POU6F2: variants seen among roughly 807,000 people sequenced by gnomAD.
The protein encoded by POU6F2 is POU domain, class 6, transcription factor 2.
In POU6F2, 31 loss-of-function variants were observed where a neutral mutation model predicts 71.3. The observed-to-expected ratio is 0.43, with a 90% CI of 0.33 to 0.59. The LOEUF is 0.59. Among genes scored for constraint, POU6F2 ranks in the 20% least tolerant of loss-of-function variants. POU6F2 has a pLI of 0.04. For missense variants in POU6F2, 783 were observed against 856.8 expected (o/e 0.91, Z 1.07); for synonymous variants, 347 against 355.7 (o/e 0.98, Z 0.27).
chr7:39,363,860 G>A (rs139083473), intron 5 of POU6F2, among the ~76,000 whole-genome samples: 1 of 152,058 alleles, frequency 6.6e-6, no homozygotes, highest in Non-Finnish European at 1.5e-5. Flanking sequence ...CGATGAATTG[G>A]AGTGATCAAA....
intron 2 of POU6F2, among the ~76,000 whole-genome samples, chr7:39,116,526 C>T (rs1199857701): frequency 4.6e-5 from 7 of 152,146 alleles, no homozygotes; most frequent in Admixed American, 4.6e-4. Context: ...TAAATATTAT[C>T]ATTCCTGTTT....
intron 1 of POU6F2, among the ~76,000 whole-genome samples, chr7:39,055,113 T>C (rs1274270580): frequency 6.6e-6 from 1 of 152,040 alleles, no homozygotes; most frequent in Non-Finnish European, 1.5e-5. Context: ...TAGTGGATTG[T>C]AGGAACGAAG....
intron 2 of POU6F2, among the ~76,000 whole-genome samples, chr7:39,191,999 C>T (rs1212150736): frequency 3.3e-5 from 5 of 152,166 alleles, no homozygotes; most frequent in Admixed American, 6.5e-5. Context: ...ACTTAATCTT[C>T]GTAGGAATGC....
At chr7:39,408,789 A>C (rs963857178) in intron 6 of POU6F2, among the ~76,000 whole-genome samples, 3 of 152,196 alleles carry the variant, frequency 2.0e-5, no homozygotes, top group Admixed American at 1.3e-4. Flanking sequence ...CCAGTGGATA[A>C]TTGGCCATAT....
intron 2 of POU6F2, among the ~76,000 whole-genome samples, chr7:39,137,111 T>C (rs1439107559): frequency 6.6e-6 from 1 of 152,082 alleles, no homozygotes; most frequent in East Asian, 1.9e-4. Context: ...TATAATTTAT[T>C]GTATATTATC....
intron 1 of POU6F2, among the ~76,000 whole-genome samples, chr7:39,078,984 G>A (rs1791055689): frequency 6.6e-6 from 1 of 152,122 alleles, no homozygotes; most frequent in African/African-American, 2.4e-5. Context: ...ATCTATTTGA[G>A]TCTTCAACTT....
intron 2 of POU6F2, among the ~76,000 whole-genome samples, chr7:39,114,528 T>C (rs1315402142): frequency 1.3e-5 from 2 of 152,180 alleles, no homozygotes; most frequent in African/African-American, 4.8e-5. Flanking sequence ...AAAGTACTGA[T>C]AAACAATATC....
intron 4 of POU6F2, among the ~76,000 whole-genome samples, chr7:39,216,907 A>G (rs569763876): frequency 2.6e-5 from 4 of 151,964 alleles, no homozygotes; most frequent in Admixed American, 6.5e-5. Context: ...TTTGATCCCA[A>G]TTGTTTAAAG....
chr7:39,018,420 G>A (rs1789609293), intron 1 of POU6F2, among the ~76,000 whole-genome samples: 1 of 151,870 alleles, frequency 6.6e-6, no homozygotes, highest in Admixed American at 6.6e-5. Flanking sequence ...CTTATTTGGT[G>A]ACAAAACCTC....
intron 2 of POU6F2, among the ~76,000 whole-genome samples, chr7:39,114,775 T>A (rs1277040810): frequency 2.0e-5 from 3 of 152,174 alleles, no homozygotes; most frequent in Admixed American, 6.5e-5. Context: ...TTGTGAGCGC[T>A]TTGCTGCTAA....
At position 39,013,952 on chromosome 7, in the gene POU6F2, G is replaced by A. The variant is rs28624387; in HGVS notation, c.105+35894G>A. Among the ~76,000 whole-genome samples, 372 of 152,258 alleles carry A rather than the reference G, an allele frequency of 2.4e-3. 1 individual carries two copies. The highest frequency in any genetic ancestry group is 8.6e-3 in the African/African-American group (359 of 41,538). Reference sequence around the variant, plus strand: ...TTAATTTATGTACTCAGCTTGTCAGGTTACTTTGTTTCCAGATTTTTTCCC... The same window carrying A: ...TTAATTTATGTACTCAGCTTGTCAGATTACTTTGTTTCCAGATTTTTTCCC... On this transcript the variant is annotated intron_variant, in intron 1 of 9. Transcript: ENST00000518318.
At chr7:39,374,919 T>C (rs947521179) in intron 5 of POU6F2, among the ~76,000 whole-genome samples, 2 of 152,206 alleles carry the variant, frequency 1.3e-5, no homozygotes, top group African/African-American at 4.8e-5. Flanking sequence ...AATTCTCTTA[T>C]TACTGCAGCA....
intron 5 of POU6F2, among the ~76,000 whole-genome samples, chr7:39,400,289 G>A (rs1045349093): frequency 6.6e-6 from 1 of 152,206 alleles, no homozygotes; most frequent in Non-Finnish European, 1.5e-5. Flanking sequence ...GGAGTTCTGT[G>A]TCAGGAACCA....
chr7:39,049,274 G>A (rs1456099642), intron 1 of POU6F2, among the ~76,000 whole-genome samples: 1 of 151,740 alleles, frequency 6.6e-6, no homozygotes, highest in Non-Finnish European at 1.5e-5. Flanking sequence ...TAGCTAAAGA[G>A]GAAGCTTGAA....
chr7:39,231,566 A>G (rs1794574871), intron 4 of POU6F2, among the ~76,000 whole-genome samples: 1 of 152,152 alleles, frequency 6.6e-6, no homozygotes, highest in Non-Finnish European at 1.5e-5. Flanking sequence ...TTCCTGATTG[A>G]CACATAGACC....
At chr7:39,270,861 T>TA (rs1321096955) in intron 4 of POU6F2, among the ~76,000 whole-genome samples, 2 of 152,224 alleles carry the variant, frequency 1.3e-5, no homozygotes, top group Non-Finnish European at 2.9e-5. Context: ...ATTCAGCTAG[T>TA]AACTTCGAGG....
intron 5 of POU6F2, among the ~76,000 whole-genome samples, chr7:39,387,761 C>T (rs1786978766): frequency 6.6e-6 from 1 of 152,196 alleles, no homozygotes; most frequent in Admixed American, 6.5e-5. Flanking sequence ...GAACATTATG[C>T]TTTAATCAAT....
At chr7:39,414,642 G>A (rs540493841) in intron 6 of POU6F2, among the ~76,000 whole-genome samples, 1 of 152,196 alleles carries the variant, frequency 6.6e-6, no homozygotes, top group African/African-American at 2.4e-5. Flanking sequence ...CAGAAGCGCC[G>A]GGCTGTGCGT....
chr7:39,086,166 G>GCTAA, intron 2 of POU6F2, 135 bp downstream of exon 2: 1 of 938,968 alleles, frequency 1.1e-6, no homozygotes, highest in Non-Finnish European at 1.5e-6. Flanking sequence ...TCTTGGAGGT[G>GCTAA]CTAAGCCACT....
Sources: allele counts gnomAD v4.1 joint callset (sites outside exome capture counted in the v4.1 genomes callset), GRCh38; gene constraint gnomAD v4.1.1; transcripts MANE v1.5; gene names NCBI Gene and HGNC (gene_info 2026-07-23, HGNC 2026-07-21).